Variants in GTF2A1L observed in about 807,000 individuals in gnomAD.
GTF2A1L encodes the protein TFIIA-alpha and beta-like factor.
A neutral mutation model predicts 49.7 loss-of-function variants in GTF2A1L; 48 were observed. That is an observed-to-expected ratio of 0.97 (90% CI 0.77 to 1.23). The LOEUF (loss-of-function observed/expected upper bound fraction) is 1.23. Ranked by LOEUF, GTF2A1L falls within the 50% of genes most tolerant of loss-of-function variation. The pLI, the probability that GTF2A1L is intolerant of heterozygous loss-of-function variation, is 0.00. For synonymous variants in GTF2A1L, 246 were observed against 193.5 expected (o/e 1.27, Z -2.25); for missense variants, 736 against 564.8 (o/e 1.30, Z -3.07).
Position 48,627,672 on chromosome 2 carries a change from T to A in GTF2A1L, c.247+6382T>A, listed in dbSNP as rs1032269830. On this transcript the variant is annotated intron_variant, in intron 3 of 8. Coordinates refer to ENST00000403751, the MANE Select transcript of GTF2A1L (RefSeq NM_006872.5). ...AATAACTATAGTTGCTGTCAGATAT[T>A]CTTTCAAGTAAAAATGGTGTTTCTT... Among the ~76,000 whole-genome samples the A allele has an allele frequency of 5.5e-5, 8 of 144,416 alleles. 3 individuals are homozygous for A. The highest frequency in any genetic ancestry group is 1.2e-4 in the Non-Finnish European group (8 of 64,066). The allele number at this position is 144,416 out of a possible 152,430, so 94.7% of individuals were successfully genotyped here.
At chr2:48,653,548 C>T (rs1677987920) in intron 6 of GTF2A1L, among the ~76,000 whole-genome samples, 1 of 152,148 alleles carries the variant, frequency 6.6e-6, no homozygotes, top group Non-Finnish European at 1.5e-5. Flanking sequence ...GAGATTCATC[C>T]ATGTTGTTGC....
At position 48,625,561 on chromosome 2, in the gene GTF2A1L, AT is replaced by A. The variant is rs538811021; in HGVS notation, c.247+4274del. On this transcript the variant is annotated intron_variant, in intron 3 of 8. Coordinates refer to ENST00000403751, the MANE Select transcript of GTF2A1L (RefSeq NM_006872.5). ...TTCTTTGCTGTGCAGGAGCTTTTTAATTTGATGTCTGTATTTATTTTATTTT... is the reference window on the plus strand; with the variant it reads ...TTCTTTGCTGTGCAGGAGCTTTTTAATTGATGTCTGTATTTATTTTATTTT... Among the ~76,000 whole-genome samples the A allele has an allele frequency of 1.5e-3, 213 of 142,608 alleles. 9 individuals are homozygous for A. Among genetic ancestry groups the A allele is most frequent in the African/African-American group, 5.1e-3 (204 of 40,326 alleles). The allele number at this position is 142,608 out of a possible 152,430, so 93.6% of individuals were successfully genotyped here. A position where few individuals can be genotyped will look rare whatever the true frequency, so the allele number is the denominator to read the frequency against.
intron 6 of GTF2A1L, among the ~76,000 whole-genome samples, chr2:48,655,233 T>C (rs1678105450): frequency 6.6e-6 from 1 of 152,144 alleles, no homozygotes; most frequent in African/African-American, 2.4e-5. Flanking sequence ...ATCTAAATAT[T>C]TCATGGTTTT....
At chr2:48,648,104 A>G (rs1257193208) in intron 6 of GTF2A1L, among the ~76,000 whole-genome samples, 1 of 152,118 alleles carries the variant, frequency 6.6e-6, no homozygotes, top group Non-Finnish European at 1.5e-5. Context: ...AATGACAATC[A>G]GAAACTATTT....
chr2:48,659,054 C>A (rs1678341532), intron 6 of GTF2A1L, among the ~76,000 whole-genome samples: 2 of 152,112 alleles, frequency 1.3e-5, no homozygotes, highest in African/African-American at 4.8e-5. Flanking sequence ...GCTGAGAAGT[C>A]TGCTGTTAAT....
At chr2:48,618,422 A>G (rs1675783536) in intron 1 of GTF2A1L, among the ~76,000 whole-genome samples, 1 of 152,216 alleles carries the variant, frequency 6.6e-6, no homozygotes, top group Non-Finnish European at 1.5e-5. Flanking sequence ...ACGGACACTT[A>G]ATTTGCACAG....
chr2:48,662,652 C>CTT (rs35260466), intron 6 of GTF2A1L, among the ~76,000 whole-genome samples: 161 of 132,372 alleles, frequency 1.2e-3, no homozygotes, highest in East Asian at 8.7e-3. Flanking sequence ...CTTGGTTGAT[C>CTT]TTTTTTTTTT....
chr2:48,636,432 T>A (rs1315533088), intron 3 of GTF2A1L, among the ~76,000 whole-genome samples: 1 of 152,268 alleles, frequency 6.6e-6, no homozygotes, highest in Non-Finnish European at 1.5e-5. Context: ...TGTTTTTGTC[T>A]GTTGTGTTTT....
chr2:48,640,867 TAA>T (rs982675944), intron 3 of GTF2A1L, among the ~76,000 whole-genome samples: 4 of 151,348 alleles, frequency 2.6e-5, no homozygotes, highest in East Asian at 1.9e-4. Flanking sequence ...CATATAAAAA[TAA>T]GTTATTATTT....
At chr2:48,665,934 A>AT (rs1678817129) in intron 6 of GTF2A1L, among the ~76,000 whole-genome samples, 1 of 151,894 alleles carries the variant, frequency 6.6e-6, no homozygotes, top group Non-Finnish European at 1.5e-5. Context: ...AGATTTGTCT[A>AT]TTTTTTATTT....
At chr2:48,636,104 C>G (rs1676872658) in intron 3 of GTF2A1L, among the ~76,000 whole-genome samples, 1 of 152,142 alleles carries the variant, frequency 6.6e-6, no homozygotes, top group African/African-American at 2.4e-5. Context: ...CCATTAGATT[C>G]TCATTTTCCT....
intron 8 of GTF2A1L, among the ~76,000 whole-genome samples, chr2:48,674,172 T>C (rs1019355906): frequency 6.6e-6 from 1 of 152,196 alleles, no homozygotes; most frequent in Non-Finnish European, 1.5e-5. Context: ...CTTAAGGAAC[T>C]ATTAGACTAT....
chr2:48,678,982 T>C (rs1411325154), intron 8 of GTF2A1L, among the ~76,000 whole-genome samples: 1 of 152,064 alleles, frequency 6.6e-6, no homozygotes, highest in Non-Finnish European at 1.5e-5. Flanking sequence ...GACAGCTTAA[T>C]ATTCTACATA....
intron 3 of GTF2A1L, among the ~76,000 whole-genome samples, 156 bp from the exon 4 acceptor site, chr2:48,642,246 A>T (rs891250249): frequency 5.9e-5 from 9 of 152,212 alleles, no homozygotes; most frequent in African/African-American, 2.2e-4. Flanking sequence ...AAAAAATATA[A>T]TTACTTTTTA....
intron 3 of GTF2A1L, among the ~76,000 whole-genome samples, chr2:48,624,100 T>G (rs1676169828): frequency 1.4e-5 from 2 of 145,740 alleles, no homozygotes; most frequent in Non-Finnish European, 3.1e-5. Flanking sequence ...GTTTTTTATT[T>G]GTGTAGTAAT....
At chr2:48,638,397 C>T (rs1317183501) in intron 3 of GTF2A1L, among the ~76,000 whole-genome samples, 1 of 152,160 alleles carries the variant, frequency 6.6e-6, no homozygotes, top group African/African-American at 2.4e-5. Context: ...TGGGCTTTAT[C>T]ACTGCAATGC....
At position 48,621,129 on chromosome 2, in the gene GTF2A1L, TA is replaced by T. The variant is rs1190257198; in HGVS notation, c.124-37del. 2.5e-6 allele frequency: 4 copies of T among 1,586,898 alleles called. No individual in the cohort carries two copies. The African/African-American group carries it at 4.1e-5, about 16-fold the overall frequency. On this transcript the variant is annotated intron_variant, in intron 2 of 8. Coordinates refer to ENST00000403751, the MANE Select transcript of GTF2A1L (RefSeq NM_006872.5). ...AGAGAAGTATCATTATATGTGTATATATTTTTTTAAAGTAAACTTTTTTTTT... is the reference window on the plus strand; with the variant it reads ...AGAGAAGTATCATTATATGTGTATATTTTTTTTAAAGTAAACTTTTTTTTT...
intron 8 of GTF2A1L, among the ~76,000 whole-genome samples, chr2:48,676,177 A>T (rs1679457454): frequency 6.6e-6 from 1 of 151,866 alleles, no homozygotes. Flanking sequence ...AGATCTTCCC[A>T]TATGAGGAGG....
intron 5 of GTF2A1L, 90 bp downstream of exon 5, chr2:48,645,207 C>G: frequency 8.8e-7 from 1 of 1,140,780 alleles, no homozygotes; most frequent in South Asian, 1.6e-5. Context: ...AAACTATATA[C>G]CAGAAGTTAT....
Sources: gnomAD v4.1 joint callset for allele counts (sites outside exome capture counted in the v4.1 genomes callset) on GRCh38, gnomAD v4.1.1 for gene constraint, MANE v1.5 for transcripts, NCBI Gene and HGNC (gene_info 2026-07-23, HGNC 2026-07-21) for gene names.